The following WIPI2 variants were observed in gnomAD, a reference collection of about 807,000 sequenced individuals.
WIPI2 encodes WD repeat domain phosphoinositide-interacting protein 2.
Under a neutral mutation model 52.3 loss-of-function variants are expected in WIPI2, and 28 were observed. That is an observed-to-expected ratio of 0.54 (90% CI 0.40 to 0.73). The LOEUF (loss-of-function observed/expected upper bound fraction) is 0.73. Ranked by LOEUF, WIPI2 falls within the 30% of genes least tolerant of loss-of-function variation. The pLI, the probability that WIPI2 is intolerant of heterozygous loss-of-function variation, is 0.00. For missense variants in WIPI2, 506 were observed against 602.9 expected (o/e 0.84, Z 1.68); for synonymous variants, 268 against 245.0 (o/e 1.09, Z -0.88).
intron 2 of WIPI2, among the ~76,000 whole-genome samples, chr7:5,197,018 A>G (rs774326003): frequency 1.2e-4 from 17 of 141,116 alleles, no homozygotes; most frequent in Non-Finnish European, 2.3e-4. Flanking sequence ...AGGCTGAGGC[A>G]GGAGAATTGA....
intron 3 of WIPI2, among the ~76,000 whole-genome samples, chr7:5,208,421 GT>G (rs34816133): frequency 1.4e-5 from 2 of 147,104 alleles, no homozygotes; most frequent in East Asian, 2.0e-4. Context: ...TATTTATGTT[GT>G]TTTTTTTTTT....
intron 6 of WIPI2, 169 bp downstream of exon 6, chr7:5,217,356 G>C: frequency 4.4e-6 from 3 of 676,002 alleles, no homozygotes; most frequent in Non-Finnish European, 7.8e-6. Flanking sequence ...CCATGCTGGA[G>C]TGCAGTGGTG....
At chr7:5,193,277 G>A (rs954538036) in intron 2 of WIPI2, 106 bp downstream of exon 2, 423 of 1,547,252 alleles carry the variant, frequency 2.7e-4, no homozygotes, top group Middle Eastern at 9.6e-4. Context: ...AGTGGGAGAG[G>A]ATCACTTGAA....
chr7:5,197,111 CAAAAAACAAAAAAAAAAAAAAAAA>C (rs1403448952), intron 2 of WIPI2, among the ~76,000 whole-genome samples: 2 of 56,428 alleles, frequency 3.5e-5, no homozygotes, highest in African/African-American at 2.0e-4. Context: ...GACTCCGTCT[CAAAAAACAAAAAAAAAAAAAAAAA>C]AAAAAAAAAA....
chr7:5,216,904 C>A (rs1782841624), intron 5 of WIPI2, 186 bp from the exon 6 acceptor site: 2 of 715,560 alleles, frequency 2.8e-6, no homozygotes, highest in African/African-American at 1.8e-5. Context: ...AATCTCTTGA[C>A]AATACTGGTA....
At position 5,225,825 on chromosome 7, in the gene WIPI2, G is replaced by T; in HGVS notation, c.743G>T (p.Cys248Phe). 6.2e-7 allele frequency: 1 copy of T among 1,611,026 alleles called. No individual in the cohort carries two copies. Among genetic ancestry groups the T allele is most frequent in the Non-Finnish European group, 8.5e-7 (1 of 1,179,046 alleles). The change falls in exon 9 of 13, where the codon TGC becomes TTC. Residue 248 changes from cysteine to phenylalanine, a missense_variant and splice_region_variant. Physicochemically the swap from Cys to Phe is radical, Grantham distance 205 (BLOSUM62 -2). Around this residue, in one of 4 missense-constraint regions of WIPI2, gnomAD observed 237 missense variants for 346.9 expected, o/e 0.68. Transcript: ENST00000288828. ...LFEFRRGVKR[C>F]VSICSLAFSM... ...CCCCAACCTGTGCGTCTCCCCAGGT[G>T]CGTGAGCATCTGCTCCCTGGCCTTC...
In WIPI2 at chr7:5,227,650, C is replaced by T. The variant is rs1217792334; in HGVS notation, c.1013+306C>T. On this transcript the variant is annotated intron_variant, in intron 10 of 12. Coordinates refer to ENST00000288828, the MANE Select transcript of WIPI2 (RefSeq NM_015610.4). This position sits in a 1 kb window ranked among gnomAD's most constrained non-coding sequence, Gnocchi z 8.1. ...ACCCTTTGGGGCCACAGAAACCGCA[C>T]TTGCCGAGTCTCAGGCATCCGTCCG... 1.3e-5 allele frequency among the ~76,000 whole-genome samples: 2 copies of T among 152,226 alleles called. No individual in the cohort carries two copies. The highest frequency in any genetic ancestry group is 2.1e-4 in the South Asian group (1 of 4,830).
At chr7:5,224,164 G>T (rs1456096126) in intron 8 of WIPI2, among the ~76,000 whole-genome samples, 4 of 152,212 alleles carry the variant, frequency 2.6e-5, no homozygotes, top group African/African-American at 9.6e-5. Flanking sequence ...CCTGGCTCCA[G>T]CAGTACCGCA....
intron 4 of WIPI2, among the ~76,000 whole-genome samples, chr7:5,215,880 TC>T (rs1397886377): frequency 2.6e-5 from 4 of 152,208 alleles, no homozygotes; most frequent in Admixed American, 6.5e-5. Flanking sequence ...TGCAAAGTAA[TC>T]TGAGTGCACA....
rs1344290736 is a variant in WIPI2, at chr7:5,232,175, G to C, written c.*1228G>C. 2.5e-6 allele frequency: 1 copy of C among 398,848 alleles called. No individual in the cohort carries two copies. The allele number at this position is 398,848 out of a possible 1,614,324, so 24.7% of individuals were successfully genotyped here. A position where few individuals can be genotyped will look rare whatever the true frequency, so the allele number is the denominator to read the frequency against. ...AGATGGTTTTAGAATCTATGGAGTGGTGGAAGTTACGGATAGAAGGGAAAA... is the reference window on the plus strand; with the variant it reads ...AGATGGTTTTAGAATCTATGGAGTGCTGGAAGTTACGGATAGAAGGGAAAA... On this transcript the variant is annotated 3_prime_UTR_variant, in exon 13 of 13. Transcript: ENST00000288828.
At chr7:5,225,760 G>A (rs1583590785) in intron 8 of WIPI2, 63 bp from the exon 9 acceptor site, 2 of 1,228,694 alleles carry the variant, frequency 1.6e-6, no homozygotes, top group East Asian at 2.4e-5. Context: ...TCCGCCACTT[G>A]AGTTGAACCC....
At chr7:5,202,073 C>T (rs916872147) in intron 3 of WIPI2, among the ~76,000 whole-genome samples, 4 of 152,068 alleles carry the variant, frequency 2.6e-5, no homozygotes, top group Admixed American at 6.6e-5. Context: ...CTTCATGTCT[C>T]AGTATTTAGT....
At chr7:5,222,557 GT>G in intron 7 of WIPI2, 44 bp from the exon 8 acceptor site, 2 of 1,587,656 alleles carry the variant, frequency 1.3e-6, no homozygotes, top group Non-Finnish European at 1.7e-6. Flanking sequence ...GGAAATTCCT[GT>G]TTTAACTCAG....
intron 7 of WIPI2, 109 bp from the exon 8 acceptor site, chr7:5,222,493 A>C: frequency 2.6e-6 from 3 of 1,157,062 alleles, no homozygotes; most frequent in African/African-American, 1.5e-5. Context: ...GGCCCAGGGC[A>C]GAGCTGTCCT....
chr7:5,226,076 C>T, intron 9 of WIPI2, 146 bp downstream of exon 9: 1 of 740,002 alleles, frequency 1.4e-6, no homozygotes, highest in Non-Finnish European at 2.3e-6. Flanking sequence ...GAGCGAGCAC[C>T]TCCGCATCCA....
chr7:5,228,242 G>T, intron 11 of WIPI2, 31 bp downstream of exon 11: 1 of 1,581,848 alleles, frequency 6.3e-7, no homozygotes, highest in Non-Finnish European at 8.6e-7. Flanking sequence ...TCACGGAGCT[G>T]CTCCGTGCTG....
At chr7:5,220,270 T>C (rs1443757075) in intron 7 of WIPI2, among the ~76,000 whole-genome samples, 1 of 151,598 alleles carries the variant, frequency 6.6e-6, no homozygotes, top group Non-Finnish European at 1.5e-5. Flanking sequence ...AAACGGAGTC[T>C]TGTTCTGTCC....
At position 5,229,506 on chromosome 7, in the gene WIPI2, T is replaced by C. The variant is rs538367952; in HGVS notation, c.1122-102T>C. The stretch of plus-strand genomic sequence containing the variant: ...GATGAATGCCTGGCGTCCTGTGTGG[T>C]GAGTGGTGTGCTGGCTCTGTTGCCG... On this transcript the variant is annotated intron_variant, in intron 11 of 12. Transcript: ENST00000288828. 3.2e-5 allele frequency: 45 copies of C among 1,415,572 alleles called. No individual in the cohort carries two copies. In the African/African-American group the frequency reaches 6.4e-4, roughly 20 times the overall value. The allele number at this position is 1,415,572 out of a possible 1,614,324, so 87.7% of individuals were successfully genotyped here. A position where few individuals can be genotyped will look rare whatever the true frequency, so the allele number is the denominator to read the frequency against.
At chr7:5,222,822 G>GC (rs1291974815) in intron 8 of WIPI2, 150 bp downstream of exon 8, 1 of 738,592 alleles carries the variant, frequency 1.4e-6, no homozygotes, top group African/African-American at 1.8e-5. Flanking sequence ...TCTGGGCGTC[G>GC]GTCTTGTCAT....
Sources: allele counts gnomAD v4.1 joint callset (sites outside exome capture counted in the v4.1 genomes callset), GRCh38; gene constraint gnomAD v4.1.1; regional missense constraint gnomAD v4.1.1; non-coding constraint Gnocchi (gnomAD v3.1); transcripts MANE v1.5; gene names NCBI Gene and HGNC (gene_info 2026-07-23, HGNC 2026-07-21).